Variants in ANGPT2 observed in about 807,000 individuals in gnomAD.
ANGPT2 encodes angiopoietin 2.
A neutral mutation model predicts 62.9 loss-of-function variants in ANGPT2; 28 were observed. The ratio of observed to expected loss-of-function variants is 0.44; its 90% CI spans 0.33 to 0.61. ANGPT2 has a LOEUF of 0.61. Ranked by LOEUF, ANGPT2 falls within the 20% of genes least tolerant of loss-of-function variation. The probability of loss-of-function intolerance (pLI) is 0.03; values close to 1 mark genes in which losing one functional copy is unlikely to be tolerated. For missense variants in ANGPT2, 727 were observed against 594.9 expected (o/e 1.22, Z -2.31); for synonymous variants, 284 against 207.8 (o/e 1.37, Z -3.15).
chr8:6,549,259 C>A (rs760646796), intron 1 of ANGPT2, among the ~76,000 whole-genome samples: 4 of 152,152 alleles, frequency 2.6e-5, no homozygotes, highest in Non-Finnish European at 4.4e-5. Flanking sequence ...TGTTATACAG[C>A]GAAACACTGC....
rs945742655 is a variant in ANGPT2 at position 6,499,705 on chromosome 8, T to C, written c.*3396A>G. The C allele has an allele frequency of 8.7e-6, 6 of 688,924 alleles. No homozygotes were observed. Among genetic ancestry groups the C allele is most frequent in the Non-Finnish European group, 1.6e-5 (6 of 383,008 alleles). 42.7% of individuals were successfully genotyped at this position (688,924 alleles called of 1,614,324 possible). Reference sequence around the variant, plus strand: ...CATAACATTTATGCAACATGAAGATTCTGAAGGGACTTTGTTGTCTGAGAA... The same window carrying C: ...CATAACATTTATGCAACATGAAGATCCTGAAGGGACTTTGTTGTCTGAGAA... On this transcript the variant is annotated 3_prime_UTR_variant, in exon 9 of 9. Coordinates refer to ENST00000629816, the MANE Select transcript of ANGPT2 (RefSeq NM_001118887.2).
rs1812176511 is a variant in ANGPT2 at position 6,501,539 on chromosome 8, ATTTTC to A, written c.*1557_*1561del. ...CCCGAGTATAAAGCTGTGTTCTCAA[ATTTTC>A]TTTTCTTTCTTTTTTTTTTTTTTTT... On this transcript the variant is annotated 3_prime_UTR_variant, in exon 9 of 9. Transcript: ENST00000629816. 1 of 149,092 alleles carries A rather than the reference ATTTTC, an allele frequency of 6.7e-6. No homozygotes were observed. The highest frequency in any genetic ancestry group is 2.5e-5 in the African/African-American group (1 of 40,436). 9.2% of individuals were successfully genotyped at this position (149,092 alleles called of 1,614,324 possible). A position where few individuals can be genotyped will look rare whatever the true frequency, so the allele number is the denominator to read the frequency against.
In ANGPT2 at chr8:6,539,389, G is replaced by A. The variant is rs189412817; in HGVS notation, c.289-6902C>T. On this transcript the variant is annotated intron_variant, in intron 1 of 8. Coordinates refer to ENST00000629816, the MANE Select transcript of ANGPT2 (RefSeq NM_001118887.2). ...TTCAGTGTAAGGCCCTAGAAGTTGAGGCAAAAGCTAAAGGCCGAGGGAGGG... is the reference window on the plus strand; with the variant it reads ...TTCAGTGTAAGGCCCTAGAAGTTGAAGCAAAAGCTAAAGGCCGAGGGAGGG... 3.3e-5 allele frequency among the ~76,000 whole-genome samples: 5 copies of A among 152,262 alleles called. No homozygotes were observed. In the East Asian group the frequency reaches 7.7e-4, roughly 24 times the overall value.
At chr8:6,523,968 T>G (rs1817861320) in intron 3 of ANGPT2, among the ~76,000 whole-genome samples, 1 of 152,082 alleles carries the variant, frequency 6.6e-6, no homozygotes, top group Non-Finnish European at 1.5e-5. Context: ...TAAAGAGGCT[T>G]TCTGTGATAA....
intron 1 of ANGPT2, among the ~76,000 whole-genome samples, chr8:6,548,681 A>G (rs745884481): frequency 4.6e-5 from 7 of 152,200 alleles, no homozygotes; most frequent in Non-Finnish European, 8.8e-5. Flanking sequence ...GAAAAAAGGA[A>G]GAAAAGTCCT....
At chr8:6,503,368 G>A in intron 8 of ANGPT2, 107 bp from the exon 9 acceptor site, 4 of 1,125,068 alleles carry the variant, frequency 3.6e-6, no homozygotes, top group Non-Finnish European at 2.6e-6. Context: ...GGCGTGTGGA[G>A]TAGGCACATG....
At chr8:6,533,152 G>A (rs1004951688) in intron 1 of ANGPT2, among the ~76,000 whole-genome samples, 4 of 152,022 alleles carry the variant, frequency 2.6e-5, no homozygotes, top group Non-Finnish European at 4.4e-5. Context: ...ACTTTTAATC[G>A]CACCTTGGTC....
chr8:6,533,631 G>A (rs190349079), intron 1 of ANGPT2, among the ~76,000 whole-genome samples: 34 of 140,444 alleles, frequency 2.4e-4, no homozygotes, highest in African/African-American at 7.9e-4. Flanking sequence ...CCATTCCCTG[G>A]TCCAAAGTAT....
At position 6,501,135 on chromosome 8, in the gene ANGPT2, T is replaced by C. The variant is rs146392086; in HGVS notation, c.*1966A>G. 1.3e-5 allele frequency: 2 copies of C among 152,356 alleles called. No homozygotes were observed. Among genetic ancestry groups the C allele is most frequent in the African/African-American group, 4.8e-5 (2 of 41,586 alleles). 9.4% of individuals were successfully genotyped at this position (152,356 alleles called of 1,614,324 possible). ...ATAGGGAGGTTCTTAACTAGTTAAA[T>C]AGTTGTTGGAAAAGTGCACCTTGGT... On this transcript the variant is annotated 3_prime_UTR_variant, in exon 9 of 9. Transcript: ENST00000629816.
intron 1 of ANGPT2, among the ~76,000 whole-genome samples, chr8:6,542,314 C>CTG (rs373716411): frequency 2.8e-4 from 42 of 150,674 alleles, no homozygotes; most frequent in Admixed American, 1.3e-3. Context: ...GTGTGTGTAT[C>CTG]TGTGTGTGTG....
At chr8:6,542,160 T>A (rs1348302630) in intron 1 of ANGPT2, among the ~76,000 whole-genome samples, 1 of 152,230 alleles carries the variant, frequency 6.6e-6, no homozygotes, top group African/African-American at 2.4e-5. Flanking sequence ...TTTCTGAATT[T>A]AAGGCACACT....
At position 6,503,278 on chromosome 8, in the gene ANGPT2, C is replaced by T; in HGVS notation, c.1328-17G>A. ...ACCACCAGCCTGTGAAAGTAAAACA[C>T]AGAAGGAATTAGGAACTAGGTGATG... is the stretch of plus-strand genomic sequence containing the variant. On this transcript the variant is annotated splice_polypyrimidine_tract_variant and intron_variant, in intron 8 of 8. Coordinates refer to ENST00000629816, the MANE Select transcript of ANGPT2 (RefSeq NM_001118887.2). The T allele has an allele frequency of 6.2e-7, 1 of 1,613,874 alleles. No homozygotes were observed. The highest frequency in any genetic ancestry group is 8.5e-7 in the Non-Finnish European group (1 of 1,179,894).
rs2515597 is a variant in ANGPT2 at position 6,500,118 on chromosome 8, T to C, written c.*2983A>G. On this transcript the variant is annotated 3_prime_UTR_variant, in exon 9 of 9. Coordinates refer to ENST00000629816, the MANE Select transcript of ANGPT2 (RefSeq NM_001118887.2). ...GAACAAATGTGAGAACGTGAGACCA[T>C]TGTGCAAAAAGTAGTGAGGAATGCA... 0.072 allele frequency: 43,428 copies of C among 602,304 alleles called. 1,809 individuals carry two copies. The highest frequency in any genetic ancestry group is 0.1 in the African/African-American group (5,462 of 54,036). 37.3% of individuals were successfully genotyped at this position (602,304 alleles called of 1,614,324 possible). A position where few individuals can be genotyped will look rare whatever the true frequency, so the allele number is the denominator to read the frequency against.
At chr8:6,514,927 C>T in intron 5 of ANGPT2, 149 bp from the exon 6 acceptor site, 1 of 600,328 alleles carries the variant, frequency 1.7e-6, no homozygotes, top group South Asian at 2.2e-5. Flanking sequence ...TCGGGGTTGT[C>T]TAAGAAACAG....
At chr8:6,527,759 G>A (rs537987753) in intron 2 of ANGPT2, 83 bp from the exon 3 acceptor site, 7 of 1,260,954 alleles carry the variant, frequency 5.6e-6, no homozygotes, top group South Asian at 1.5e-5. Flanking sequence ...AAGTACCCAA[G>A]CTACAGGAAA....
chr8:6,504,247 G>A (rs916760711), intron 8 of ANGPT2, among the ~76,000 whole-genome samples: 8 of 150,746 alleles, frequency 5.3e-5, no homozygotes, highest in African/African-American at 9.8e-5. Flanking sequence ...GAACCCGGGA[G>A]GCGGAGCTTG....
intron 1 of ANGPT2, among the ~76,000 whole-genome samples, chr8:6,538,314 C>A (rs1310861212): frequency 6.6e-6 from 1 of 152,220 alleles, no homozygotes; most frequent in Non-Finnish European, 1.5e-5. Flanking sequence ...ATGATCCCAT[C>A]TTCCCGCCCA....
intron 4 of ANGPT2, 127 bp downstream of exon 4, chr8:6,521,051 G>C (rs907059019): frequency 1.0e-4 from 66 of 658,210 alleles, no homozygotes; most frequent in Non-Finnish European, 1.5e-4. Flanking sequence ...ATTTTAATTG[G>C]TAGATATTTC....
At position 6,538,005 on chromosome 8, in the gene ANGPT2, G is replaced by A. The variant is rs187701379; in HGVS notation, c.289-5518C>T. Among the ~76,000 whole-genome samples, 303 of 152,152 alleles carry A rather than the reference G, an allele frequency of 2.0e-3. 2 individuals carry two copies. Among genetic ancestry groups the A allele is most frequent in the African/African-American group, 7.0e-3 (291 of 41,506 alleles). On this transcript the variant is annotated intron_variant, in intron 1 of 8. Coordinates refer to ENST00000629816, the MANE Select transcript of ANGPT2 (RefSeq NM_001118887.2). ...AGGGTCTAAAGACCTTGAATTTTCTGGTAAATTAACAAATAATTTGAGATT... is the reference window on the plus strand; with the variant it reads ...AGGGTCTAAAGACCTTGAATTTTCTAGTAAATTAACAAATAATTTGAGATT...
Sources: allele counts gnomAD v4.1 joint callset (sites outside exome capture counted in the v4.1 genomes callset), GRCh38; gene constraint gnomAD v4.1.1; transcripts MANE v1.5; gene names NCBI Gene and HGNC (gene_info 2026-07-23, HGNC 2026-07-21).